The following LY86 variants were observed in gnomAD, a reference collection of about 807,000 sequenced individuals.
The protein encoded by LY86 is MD-1, RP105-associated.
A neutral mutation model predicts 17.3 loss-of-function variants in LY86; 20 were observed. The ratio of observed to expected loss-of-function variants is 1.15; its 90% CI spans 0.81 to 1.68. LY86 has a LOEUF of 1.68. Ranked by LOEUF, LY86 falls within the 40% of genes most tolerant of loss-of-function variation. The pLI is 0.00. For synonymous variants in LY86, 74 were observed against 70.6 expected (o/e 1.05, Z -0.24); for missense variants, 200 against 191.9 (o/e 1.04, Z -0.25).
intron 3 of LY86, among the ~76,000 whole-genome samples, chr6:6,635,686 C>T (rs956684029): frequency 6.6e-6 from 1 of 152,202 alleles, no homozygotes; most frequent in African/African-American, 2.4e-5. Context: ...TCCCAACCTT[C>T]CCCAATCCTA....
intron 1 of LY86, among the ~76,000 whole-genome samples, chr6:6,592,422 A>G (rs1240570628): frequency 6.6e-6 from 1 of 152,182 alleles, no homozygotes; most frequent in Non-Finnish European, 1.5e-5. Context: ...CCACCGATAT[A>G]TTTATTTATA....
intron 1 of LY86, among the ~76,000 whole-genome samples, chr6:6,609,847 TAA>T (rs1301777289): frequency 6.9e-6 from 1 of 145,386 alleles, no homozygotes; most frequent in Non-Finnish European, 1.5e-5. Flanking sequence ...CATTAAAATT[TAA>T]AAAAAAAAAA....
chr6:6,605,820 G>C (rs112222203), intron 1 of LY86, among the ~76,000 whole-genome samples: 2,309 of 150,996 alleles, frequency 0.015, 53 homozygotes, highest in African/African-American at 0.051. Flanking sequence ...TGGTCTCGCT[G>C]GCTGACTTTC....
chr6:6,629,412 G>A (rs1761865086), intron 3 of LY86, among the ~76,000 whole-genome samples: 1 of 152,072 alleles, frequency 6.6e-6, no homozygotes, highest in Non-Finnish European at 1.5e-5. Flanking sequence ...GACCAGAAGG[G>A]GAAAAAAGAA....
intron 1 of LY86, among the ~76,000 whole-genome samples, chr6:6,600,620 A>T (rs1256444885): frequency 1.0e-4 from 14 of 136,872 alleles, no homozygotes; most frequent in African/African-American, 4.1e-4. Flanking sequence ...AAAAAAAAAA[A>T]AAAAAAAAGA....
chr6:6,617,886 G>A (rs535220388), intron 1 of LY86, among the ~76,000 whole-genome samples: 1 of 152,322 alleles, frequency 6.6e-6, no homozygotes, highest in South Asian at 2.1e-4. Flanking sequence ...TGTCGCTCAG[G>A]TTGGAGTGCA....
intron 1 of LY86, among the ~76,000 whole-genome samples, chr6:6,612,999 C>A (rs1408198979): frequency 6.6e-6 from 1 of 152,140 alleles, no homozygotes; most frequent in African/African-American, 2.4e-5. Flanking sequence ...AATCCTTGAG[C>A]TAGATACAGA....
At chr6:6,635,026 C>T (rs1761942416) in intron 3 of LY86, among the ~76,000 whole-genome samples, 1 of 152,222 alleles carries the variant, frequency 6.6e-6, no homozygotes, top group Non-Finnish European at 1.5e-5. Flanking sequence ...CTAAAGCATG[C>T]TCCCAGCCAT....
intron 1 of LY86, among the ~76,000 whole-genome samples, chr6:6,605,984 G>T (rs746540180): frequency 6.6e-6 from 1 of 152,172 alleles, no homozygotes; most frequent in Non-Finnish European, 1.5e-5. Flanking sequence ...GCGACCACCA[G>T]CAAAATTTAC....
intron 3 of LY86, among the ~76,000 whole-genome samples, chr6:6,648,591 G>C (rs1049258750): frequency 1.3e-5 from 2 of 152,060 alleles, no homozygotes; most frequent in East Asian, 3.9e-4. Context: ...CCTTACAGAC[G>C]CCTCCATGAC....
rs114751343 is a variant in LY86 at position 6,615,892 on chromosome 6, C to T, written c.137-9034C>T. Among the ~76,000 whole-genome samples, 332 of 152,094 alleles carry T rather than the reference C, an allele frequency of 2.2e-3. 3 individuals are homozygous for T. Among genetic ancestry groups the T allele is most frequent in the African/African-American group, 7.5e-3 (311 of 41,488 alleles). On this transcript the variant is annotated intron_variant, in intron 1 of 4. Transcript: ENST00000230568. ...TAATAATACAAAAAAGATGTATGAA[C>T]TTAACTAAATTATTTTAAACCTAGG...
rs1179144015 is a variant in LY86 at position 6,649,696 on chromosome 6, C to T, written c.405+19C>T. 6 of 1,428,056 alleles carry T rather than the reference C, an allele frequency of 4.2e-6. No individual in the cohort carries two copies. Among genetic ancestry groups the T allele is most frequent in the Non-Finnish European group, 5.9e-6 (6 of 1,018,834 alleles). The allele number at this position is 1,428,056 out of a possible 1,614,324, so 88.5% of individuals were successfully genotyped here. ...TCCTCAGGTAAGATATTACTTACTTCTTGTATTAAATAGTTTGTTTCTTGA... is the reference window on the plus strand; with the variant it reads ...TCCTCAGGTAAGATATTACTTACTTTTTGTATTAAATAGTTTGTTTCTTGA... On this transcript the variant is annotated intron_variant, in intron 4 of 4. Transcript: ENST00000230568.
chr6:6,624,244 T>C (rs1319549078), intron 1 of LY86, among the ~76,000 whole-genome samples: 3 of 152,298 alleles, frequency 2.0e-5, no homozygotes, highest in Non-Finnish European at 4.4e-5. Flanking sequence ...TTCTGAGGCA[T>C]AGATAAGCCA....
intron 1 of LY86, among the ~76,000 whole-genome samples, chr6:6,607,205 A>G (rs1264794892): frequency 6.6e-6 from 1 of 152,238 alleles, no homozygotes; most frequent in Non-Finnish European, 1.5e-5. Flanking sequence ...GACAATGTTT[A>G]TTTATGCAAG....
chr6:6,635,701 C>T (rs1343401953), intron 3 of LY86, among the ~76,000 whole-genome samples: 1 of 152,198 alleles, frequency 6.6e-6, no homozygotes, highest in East Asian at 1.9e-4. Context: ...ATCCTAGCTT[C>T]TGGTCCTGCC....
chr6:6,623,334 G>A (rs945280016), intron 1 of LY86, among the ~76,000 whole-genome samples: 5 of 152,194 alleles, frequency 3.3e-5, no homozygotes, highest in African/African-American at 1.2e-4. Flanking sequence ...TACTGCAGTA[G>A]CTTAGGGCCC....
intron 3 of LY86, among the ~76,000 whole-genome samples, chr6:6,631,205 G>A (rs1424628197): frequency 6.6e-6 from 1 of 152,068 alleles, no homozygotes; most frequent in Admixed American, 6.6e-5. Context: ...CAAGCCAGGT[G>A]GTGACCAGAA....
At chr6:6,638,974 C>G (rs1762000547) in intron 3 of LY86, among the ~76,000 whole-genome samples, 1 of 152,030 alleles carries the variant, frequency 6.6e-6, no homozygotes, top group African/African-American at 2.4e-5. Context: ...GACACATGCA[C>G]ACGTATGTTT....
chr6:6,652,587 C>G lies in LY86; in HGVS notation c.406-1957C>G, dbSNP rs376988502. 1.2e-4 allele frequency among the ~76,000 whole-genome samples: 18 copies of G among 152,302 alleles called. 1 individual carries two copies. The East Asian group carries it at 3.3e-3, about 28-fold the overall frequency. On this transcript the variant is annotated intron_variant, in intron 4 of 4. Coordinates refer to ENST00000230568, the MANE Select transcript of LY86 (RefSeq NM_004271.4). Reference sequence around the variant, plus strand: ...GAAAATTTAGGGGATCCTTTGGGCTCCCGAAGCATGTGGACAACAACTTGT... The same window carrying G: ...GAAAATTTAGGGGATCCTTTGGGCTGCCGAAGCATGTGGACAACAACTTGT...
Sources: allele counts gnomAD v4.1 joint callset (sites outside exome capture counted in the v4.1 genomes callset), GRCh38; gene constraint gnomAD v4.1.1; transcripts MANE v1.5; gene names NCBI Gene and HGNC (gene_info 2026-07-23, HGNC 2026-07-21).